The following ADCY9 variants were observed in gnomAD, a reference collection of about 807,000 sequenced individuals.
ADCY9 encodes adenylate cyclase 9.
ADCY9 carries 50 observed loss-of-function variants against 101.5 expected under a neutral mutation model. The observed-to-expected ratio is 0.49, with a 90% confidence interval of 0.39 to 0.62. The LOEUF (loss-of-function observed/expected upper bound fraction) is 0.62, where lower values mean the gene tolerates loss of function less well. Among genes scored for constraint, ADCY9 ranks in the 20% least tolerant of loss-of-function variants. The pLI, the probability that ADCY9 is intolerant of heterozygous loss-of-function variation, is 0.00. For synonymous variants in ADCY9, 905 were observed against 769.3 expected, an observed-to-expected ratio of 1.18 and a Z score of -2.92; for missense variants, 1,662 against 1,800.4, an observed-to-expected ratio of 0.92 and a Z score of 1.39.
intron 2 of ADCY9, among the ~76,000 whole-genome samples, chr16:4,034,295 G>A (rs1440273527): frequency 6.6e-6 from 1 of 152,140 alleles, no homozygotes; most frequent in African/African-American, 2.4e-5. Flanking sequence ...CTTTTCAACC[G>A]TACTTAACTT....
intron 2 of ADCY9, among the ~76,000 whole-genome samples, chr16:4,069,355 A>C (rs1055469571): frequency 1.1e-4 from 16 of 151,690 alleles, no homozygotes; most frequent in Admixed American, 2.6e-4. Flanking sequence ...CTAGAGAAGT[A>C]ATTTAATATC....
intron 2 of ADCY9, among the ~76,000 whole-genome samples, chr16:4,014,034 C>T (rs1012657348): frequency 6.6e-6 from 1 of 152,004 alleles, no homozygotes; most frequent in Admixed American, 6.6e-5. Flanking sequence ...AAATGAAGTC[C>T]CAGGTCAGGC....
intron 2 of ADCY9, among the ~76,000 whole-genome samples, chr16:4,078,636 G>A (rs1218624195): frequency 6.6e-6 from 1 of 151,796 alleles, no homozygotes; most frequent in Non-Finnish European, 1.5e-5. Flanking sequence ...TAGTCCTCAG[G>A]TGGGGAAGGC....
At chr16:4,102,002 G>A (rs764232945) in intron 2 of ADCY9, among the ~76,000 whole-genome samples, 9 of 152,112 alleles carry the variant, frequency 5.9e-5, no homozygotes, top group East Asian at 1.9e-4. Context: ...TTTTTATTAC[G>A]AGAAACTGAC....
At chr16:4,098,362 T>C (rs528453779) in intron 2 of ADCY9, among the ~76,000 whole-genome samples, 1 of 151,952 alleles carries the variant, frequency 6.6e-6, no homozygotes, top group Non-Finnish European at 1.5e-5. Flanking sequence ...ATTTCCCGAG[T>C]AGCTGGGACT....
In ADCY9 at chr16:4,115,052, T is replaced by C. The variant is rs936383709; in HGVS notation, c.391A>G (p.Ser131Gly). Reference sequence around the variant, plus strand: ...CTCATGTGGACCGCAAAATAGATGCTCCACAGAAGGCAGGCGAAGCCGATG... The same window carrying C: ...CTCATGTGGACCGCAAAATAGATGCCCCACAGAAGGCAGGCGAAGCCGATG... The part of the protein sequence containing the change: ...FYIGFACLLW[S>G]IYFAVHMRSR... The change falls in exon 2 of 11, where the codon AGC (serine) becomes GGC (glycine). Residue 131 changes from serine to glycine, a missense_variant. By Grantham distance (56) the Ser-to-Gly change is moderately conservative. Coordinates refer to ENST00000294016, the MANE Select transcript of ADCY9 (RefSeq NM_001116.4). The surrounding 1 kb of genome is among the most constrained non-coding windows in gnomAD (Gnocchi z 6.2). The C allele has an allele frequency of 2.5e-6, 4 of 1,613,910 alleles. No homozygotes were observed. Among genetic ancestry groups the C allele is most frequent in the Admixed American group, 1.7e-5 (1 of 60,022 alleles).
chr16:3,983,178 C>T (rs1356240395), intron 7 of ADCY9, 54 bp downstream of exon 7: 4 of 1,479,458 alleles, frequency 2.7e-6, no homozygotes, highest in Non-Finnish European at 3.6e-6. Context: ...GCCATGGAGC[C>T]AGAAGAGGGA....
Position 3,999,762 on chromosome 16 carries a change from G to T in ADCY9, c.1885-6252C>A, listed in dbSNP as rs147622901. 2.6e-5 allele frequency among the ~76,000 whole-genome samples: 4 copies of T among 152,348 alleles called. No homozygotes were observed. The East Asian group carries it at 7.7e-4, about 29-fold the overall frequency. ...TGCTCCTTCCCCCATGTGGACGTGG[G>T]CTTTGGAGGGAAGAGTGTAGCCATT... is the stretch of plus-strand genomic sequence containing the variant. On this transcript the variant is annotated intron_variant, in intron 3 of 10. Transcript: ENST00000294016.
At chr16:4,071,161 CT>C (rs113307900) in intron 2 of ADCY9, among the ~76,000 whole-genome samples, 25,609 of 151,062 alleles carry the variant, frequency 0.17, 2,332 homozygotes, top group African/African-American at 0.24. Context: ...AATATCCCAT[CT>C]CTCCTAAAAA....
At chr16:4,053,472 C>A (rs2056714978) in intron 2 of ADCY9, among the ~76,000 whole-genome samples, 1 of 152,150 alleles carries the variant, frequency 6.6e-6, no homozygotes. Flanking sequence ...AGCACTTGCC[C>A]TTCCTCTGGA....
rs2056257083 is a variant in ADCY9 at position 3,992,920 on chromosome 16, G to A, written c.1989+486C>T. Among the ~76,000 whole-genome samples, 1 of 152,134 alleles carries A rather than the reference G, an allele frequency of 6.6e-6. No individual in the cohort carries two copies. The highest frequency in any genetic ancestry group is 1.9e-4 in the East Asian group (1 of 5,166). On this transcript the variant is annotated intron_variant, in intron 4 of 10. Transcript: ENST00000294016. This position sits in a 1 kb window ranked among gnomAD's most constrained non-coding sequence, Gnocchi z 4.2. Reference sequence around the variant, plus strand: ...AGCCCGCGCCCCAGGTGAGTCGCCTGCATGAGCCCCCGCCGACAGGCTCTC... The same window carrying A: ...AGCCCGCGCCCCAGGTGAGTCGCCTACATGAGCCCCCGCCGACAGGCTCTC...
At position 4,114,027 on chromosome 16, in the gene ADCY9, G is replaced by A. The variant is rs758430717; in HGVS notation, c.1416C>T (p.Ala472=). 2.5e-6 allele frequency: 4 copies of A among 1,613,722 alleles called. No individual in the cohort carries two copies. Among genetic ancestry groups the A allele is most frequent in the Non-Finnish European group, 3.4e-6 (4 of 1,180,046 alleles). The change falls in exon 2 of 11, where the codon GCC becomes GCT. Residue 472 remains alanine, a synonymous_variant. Coordinates refer to ENST00000294016, the MANE Select transcript of ADCY9 (RefSeq NM_001116.4). The surrounding 1 kb of genome is among the most constrained non-coding windows in gnomAD (Gnocchi z 4.3). The part of the protein sequence containing the change: ...CIEMGLGMIK[A]IEQFCQEKKE... ...TCTTCTCCTGGCAGAACTGCTCGAT[G>A]GCCTTGATCATGCCCAGGCCCATCT...
At chr16:3,989,244 G>C (rs1647026172) in intron 5 of ADCY9, 148 bp from the exon 6 acceptor site, 1 of 597,770 alleles carries the variant, frequency 1.7e-6, no homozygotes, top group African/African-American at 1.9e-5. Context: ...ACGCCACTCA[G>C]CTGCCCCTTG....
rs138642877 is a variant in ADCY9, at chr16:3,972,469, G to A, written c.2870+2200C>T. Reference sequence around the variant, plus strand: ...GCTGGTCTCGAACTCCTGACCTCAGGTGATCCACCTGCCTCAGCCTCCCAA... The same window carrying A: ...GCTGGTCTCGAACTCCTGACCTCAGATGATCCACCTGCCTCAGCCTCCCAA... On this transcript the variant is annotated intron_variant, in intron 10 of 10. Coordinates refer to ENST00000294016, the MANE Select transcript of ADCY9 (RefSeq NM_001116.4). Among the ~76,000 whole-genome samples, 1,435 of 152,200 alleles carry A rather than the reference G, an allele frequency of 9.4e-3. 19 individuals carry two copies. The highest frequency in any genetic ancestry group is 0.065 in the Middle Eastern group (19 of 294).
chr16:4,097,501 C>CACACACA (rs1555445955), intron 2 of ADCY9, among the ~76,000 whole-genome samples: 1 of 105,512 alleles, frequency 9.5e-6, no homozygotes, highest in African/African-American at 3.6e-5. Flanking sequence ...CACACACACA[C>CACACACA]TATATATATG....
chr16:4,102,185 A>C (rs1181909955), intron 2 of ADCY9, among the ~76,000 whole-genome samples: 1 of 152,146 alleles, frequency 6.6e-6, no homozygotes, highest in African/African-American at 2.4e-5. Flanking sequence ...TCACTATGCA[A>C]ATAAGTGCTT....
intron 3 of ADCY9, among the ~76,000 whole-genome samples, chr16:4,004,810 G>C (rs553589085): frequency 2.6e-5 from 4 of 152,324 alleles, no homozygotes; most frequent in African/African-American, 9.6e-5. Flanking sequence ...GGAGGCACGG[G>C]AAGGCGTGGT....
In ADCY9 at chr16:4,115,244, C is replaced by A; in HGVS notation, c.199G>T (p.Val67Leu). Residue 67 changes from valine to leucine, a missense_variant, in exon 2 of 11, where the codon GTG becomes TTG. Physicochemically the swap from Val to Leu is conservative, Grantham distance 32 (BLOSUM62 1). Coordinates refer to ENST00000294016, the MANE Select transcript of ADCY9 (RefSeq NM_001116.4). The surrounding 1 kb of genome is among the most constrained non-coding windows in gnomAD (Gnocchi z 6.2). ...SGDSGGVPRR[V>L]GGGGRLRRQK... ...CTGCGCAGCCGGCCTCCGCCGCCCA[C>A]TCGCCGGGGGACGCCCCCGGAGTCC... The A allele has an allele frequency of 1.2e-6, 2 of 1,613,390 alleles. No individual in the cohort carries two copies. Among genetic ancestry groups the A allele is most frequent in the Non-Finnish European group, 1.7e-6 (2 of 1,179,612 alleles).
intron 2 of ADCY9, among the ~76,000 whole-genome samples, chr16:4,111,149 C>T (rs184765858): frequency 6.6e-6 from 1 of 152,336 alleles, no homozygotes; most frequent in Non-Finnish European, 1.5e-5. Flanking sequence ...TGCTCCCAGG[C>T]TAGTTCTAGA....
Sources: gnomAD v4.1 joint callset for allele counts (sites outside exome capture counted in the v4.1 genomes callset) on GRCh38, gnomAD v4.1.1 for gene constraint, Gnocchi (gnomAD v3.1) non-coding constraint, MANE v1.5 for transcripts, NCBI Gene and HGNC (gene_info 2026-07-23, HGNC 2026-07-21) for gene names.